The following MAPK10 variants were observed in gnomAD, a reference collection of about 807,000 sequenced individuals.
MAPK10 encodes the protein JNK3 alpha protein kinase.
A neutral mutation model predicts 59.3 loss-of-function variants in MAPK10; 25 were observed. That is an observed-to-expected ratio of 0.42 (90% confidence interval 0.31 to 0.59). The LOEUF is 0.59. Among genes scored for constraint, MAPK10 ranks in the 20% least tolerant of loss-of-function variants. The pLI is 0.15. For missense variants in MAPK10, 351 were observed against 568.9 expected (o/e 0.62, Z 3.90); for synonymous variants, 190 against 200.5 (o/e 0.95, Z 0.44).
intron 1 of MAPK10, among the ~76,000 whole-genome samples, chr4:86,569,507 C>T (rs1310121176): frequency 3.3e-5 from 5 of 152,072 alleles, no homozygotes; most frequent in African/African-American, 1.2e-4. Flanking sequence ...CACTCGTATG[C>T]TTATCATAGC....
chr4:86,257,286 C>T (rs2093783509), intron 2 of MAPK10, among the ~76,000 whole-genome samples: 1 of 151,994 alleles, frequency 6.6e-6, no homozygotes, highest in South Asian at 2.1e-4. Flanking sequence ...ATTAAGGTAC[C>T]AGCTTAGGTT....
intron 4 of MAPK10, chr4:86,124,781 A>G (rs1025725164): frequency 1.3e-5 from 2 of 152,016 alleles, no homozygotes; most frequent in Non-Finnish European, 2.9e-5. Flanking sequence ...TTTATATTCT[A>G]TGTGGCACCT....
intron 2 of MAPK10, among the ~76,000 whole-genome samples, chr4:86,218,727 G>A (rs2088589658): frequency 6.6e-6 from 1 of 152,134 alleles, no homozygotes; most frequent in Non-Finnish European, 1.5e-5. Flanking sequence ...CTTGAATCCT[G>A]GAGAGGTGCT....
chr4:86,540,516 T>C (rs745739826), intron 1 of MAPK10, among the ~76,000 whole-genome samples: 10 of 151,948 alleles, frequency 6.6e-5, no homozygotes, highest in Admixed American at 1.3e-4. Flanking sequence ...ACAAAAAAAC[T>C]GGGCAATTGA....
intron 1 of MAPK10, among the ~76,000 whole-genome samples, chr4:86,371,572 A>G (rs904777415): frequency 6.6e-6 from 1 of 152,214 alleles, no homozygotes; most frequent in African/African-American, 2.4e-5. Context: ...AATGCGAGTG[A>G]ACTCAATGAT....
chr4:86,136,923 G>C (rs1018530087), intron 4 of MAPK10, among the ~76,000 whole-genome samples: 8 of 151,840 alleles, frequency 5.3e-5, no homozygotes, highest in South Asian at 2.1e-4. Flanking sequence ...CAACAAAGAT[G>C]AAAAGAGACA....
intron 1 of MAPK10, chr4:86,399,848 C>A (rs550267572): frequency 1.3e-5 from 2 of 152,250 alleles, no homozygotes; most frequent in Admixed American, 1.3e-4. Context: ...GTTAGTAATT[C>A]TGCTTAGCAA....
chr4:86,111,339 T>C (rs1490856222), intron 4 of MAPK10, among the ~76,000 whole-genome samples: 1 of 152,228 alleles, frequency 6.6e-6, no homozygotes, highest in Non-Finnish European at 1.5e-5. Flanking sequence ...CTTTTGCCCA[T>C]TCAGTATGAT....
intron 2 of MAPK10, among the ~76,000 whole-genome samples, chr4:86,265,774 G>T (rs1311434004): frequency 6.6e-6 from 1 of 152,108 alleles, no homozygotes; most frequent in East Asian, 1.9e-4. Context: ...AAGTGTAGAA[G>T]CTGGAGAATC....
chr4:86,557,803 G>A (rs1308077224), intron 1 of MAPK10, among the ~76,000 whole-genome samples: 2 of 151,998 alleles, frequency 1.3e-5, no homozygotes, highest in African/African-American at 4.8e-5. Flanking sequence ...AGTGCAACAG[G>A]AGTCATATTT....
chr4:86,222,653 G>T (rs966291858), intron 2 of MAPK10, among the ~76,000 whole-genome samples: 1 of 152,170 alleles, frequency 6.6e-6, no homozygotes. Context: ...ATAAACCTTT[G>T]TCTTTGTGAA....
intron 1 of MAPK10, among the ~76,000 whole-genome samples, chr4:86,528,782 C>A (rs766946642): frequency 6.6e-6 from 1 of 152,202 alleles, no homozygotes; most frequent in Non-Finnish European, 1.5e-5. Context: ...CCAAATATAT[C>A]TTGCCTAATT....
chr4:86,261,099 A>G (rs1304010657), intron 2 of MAPK10, among the ~76,000 whole-genome samples: 1 of 152,198 alleles, frequency 6.6e-6, no homozygotes, highest in African/African-American at 2.4e-5. Flanking sequence ...TGACACAGAA[A>G]ATACAGCATC....
intron 1 of MAPK10, among the ~76,000 whole-genome samples, chr4:86,404,855 A>C (rs754160617): frequency 6.6e-6 from 1 of 152,232 alleles, no homozygotes; most frequent in Non-Finnish European, 1.5e-5. Flanking sequence ...GCAGACAGGC[A>C]GTCTGATTCA....
intron 9 of MAPK10, among the ~76,000 whole-genome samples, chr4:86,072,329 C>T (rs1443889368): frequency 3.3e-5 from 5 of 152,012 alleles, no homozygotes; most frequent in South Asian, 2.1e-4. Flanking sequence ...ACAATCATGT[C>T]GTCTCCAAAC....
chr4:86,219,212 G>T (rs2088785447), intron 2 of MAPK10, among the ~76,000 whole-genome samples: 1 of 152,080 alleles, frequency 6.6e-6, no homozygotes, highest in African/African-American at 2.4e-5. Flanking sequence ...GGTATTGGGG[G>T]CAGATTTCTC....
chr4:86,223,936 G>T (rs1177650856), intron 2 of MAPK10, among the ~76,000 whole-genome samples: 1 of 152,088 alleles, frequency 6.6e-6, no homozygotes, highest in Non-Finnish European at 1.5e-5. Context: ...CCCTCTTGTG[G>T]CATGTGTGGC....
At chr4:86,168,840 C>A (rs561289202) in intron 3 of MAPK10, among the ~76,000 whole-genome samples, 1 of 152,096 alleles carries the variant, frequency 6.6e-6, no homozygotes, top group African/African-American at 2.4e-5. Context: ...ACACCTCACA[C>A]GGCCGGGTAC....
At chr4:86,429,276 A>G (rs1464013124) in intron 1 of MAPK10, among the ~76,000 whole-genome samples, 11 of 152,194 alleles carry the variant, frequency 7.2e-5, no homozygotes. Flanking sequence ...GGTACATTCG[A>G]CTTAATCTGT....
Sources: gnomAD v4.1 joint callset for allele counts (sites outside exome capture counted in the v4.1 genomes callset) on GRCh38, gnomAD v4.1.1 for gene constraint, MANE v1.5 for transcripts, NCBI Gene and HGNC (gene_info 2026-07-23, HGNC 2026-07-21) for gene names.